Variants in TTC39B observed in about 807,000 individuals in gnomAD.
TTC39B encodes tetratricopeptide repeat protein 39B.
TTC39B carries 92 observed loss-of-function variants against 96.6 expected under a neutral mutation model. The observed-to-expected ratio is 0.95, with a 90% CI of 0.80 to 1.13. TTC39B has a LOEUF of 1.13. Among genes scored for constraint, TTC39B ranks in the 50% most tolerant of loss-of-function variants. TTC39B has a pLI of 0.00. For missense variants in TTC39B, 955 were observed against 809.3 expected, an observed-to-expected ratio of 1.18 and a Z score of -2.18; for synonymous variants, 367 against 299.4, an observed-to-expected ratio of 1.23 and a Z score of -2.33.
intron 1 of TTC39B, among the ~76,000 whole-genome samples, chr9:15,305,601 C>T (rs2131630241): frequency 6.6e-6 from 1 of 151,822 alleles, no homozygotes; most frequent in East Asian, 1.9e-4. Flanking sequence ...TACCAAGTAT[C>T]TGTGTGCCAG....
intron 2 of TTC39B, among the ~76,000 whole-genome samples, chr9:15,233,989 G>A (rs1213007162): frequency 1.3e-5 from 2 of 149,306 alleles, no homozygotes; most frequent in Non-Finnish European, 3.0e-5. Context: ...TGAGATGTGG[G>A]GAGCGCCTCT....
At position 15,173,847 on chromosome 9, in the gene TTC39B, A is replaced by G. The variant is rs138270677; in HGVS notation, c.1958+1172T>C. 1.8e-4 allele frequency among the ~76,000 whole-genome samples: 28 copies of G among 152,282 alleles called. No homozygotes were observed. The East Asian group carries it at 5.2e-3, about 28-fold the overall frequency. On this transcript the variant is annotated intron_variant, in intron 19 of 19. Coordinates refer to ENST00000512701, the Ensembl canonical transcript of TTC39B. The stretch of plus-strand genomic sequence containing the variant: ...TATGAGTACCTAATAGCCATCTTAA[A>G]GAATCATGGTCTGAACAGAAGTATG...
exon 20 of TTC39B, chr9:15,169,729 T>C (rs887388642): frequency 1.3e-5 from 2 of 152,230 alleles, no homozygotes; most frequent in African/African-American, 2.4e-5. Context: ...TAGTATCAGG[T>C]AACTGCATAA....
intron 2 of TTC39B, among the ~76,000 whole-genome samples, chr9:15,250,496 G>A (rs1034487210): frequency 2.0e-5 from 3 of 151,620 alleles, no homozygotes; most frequent in African/African-American, 7.3e-5. Context: ...TTTATATCAT[G>A]GACTTTAAAA....
intron 7 of TTC39B, among the ~76,000 whole-genome samples, chr9:15,200,738 C>T (rs1164907254): frequency 6.6e-6 from 1 of 152,226 alleles, no homozygotes; most frequent in Non-Finnish European, 1.5e-5. Flanking sequence ...TGGTGGCTCA[C>T]GCCTATAATC....
chr9:15,303,451 G>A (rs1017141167), intron 1 of TTC39B, among the ~76,000 whole-genome samples: 1 of 150,598 alleles, frequency 6.6e-6, no homozygotes, highest in Admixed American at 6.6e-5. Context: ...GTTCACTGCA[G>A]CCTCAACCTC....
chr9:15,210,183 AAGGG>A lies in TTC39B; in HGVS notation c.615-23_615-20del. The A allele has an allele frequency of 6.7e-7, 1 of 1,503,616 alleles. No homozygotes were observed. Among genetic ancestry groups the A allele is most frequent in the Non-Finnish European group, 9.0e-7 (1 of 1,105,108 alleles). 93.1% of individuals were successfully genotyped at this position (1,503,616 alleles called of 1,614,324 possible). A position where few individuals can be genotyped will look rare whatever the true frequency, so the allele number is the denominator to read the frequency against. On this transcript the variant is annotated intron_variant, in intron 5 of 19. Transcript: ENST00000512701. ...CCTGTATCTACATTGAATAAATAAA[AAGGG>A]AGATAGAAAATAGAAAAAAAAAATC...
chr9:15,200,521 C>T (rs1454400211), intron 7 of TTC39B, among the ~76,000 whole-genome samples: 2 of 152,168 alleles, frequency 1.3e-5, no homozygotes, highest in African/African-American at 2.4e-5. Flanking sequence ...TGATTGTCAT[C>T]GACCATAAAA....
intron 1 of TTC39B, among the ~76,000 whole-genome samples, chr9:15,299,161 C>A (rs1824489064): frequency 6.6e-6 from 1 of 152,188 alleles, no homozygotes; most frequent in Non-Finnish European, 1.5e-5. Flanking sequence ...GCACCTAACA[C>A]AATACTCAAC....
At chr9:15,175,798 T>C (rs1817904141) in intron 18 of TTC39B, among the ~76,000 whole-genome samples, 1 of 152,186 alleles carries the variant, frequency 6.6e-6, no homozygotes, top group Admixed American at 6.5e-5. Context: ...AAGGGCTTTG[T>C]ATCCTAATAT....
intron 1 of TTC39B, among the ~76,000 whole-genome samples, chr9:15,274,858 T>C (rs1823481789): frequency 6.6e-6 from 1 of 152,048 alleles, no homozygotes; most frequent in Non-Finnish European, 1.5e-5. Context: ...ATTAAAAAAA[T>C]AATAACAGCA....
At chr9:15,294,575 G>A (rs1397731818) in intron 1 of TTC39B, among the ~76,000 whole-genome samples, 4 of 152,180 alleles carry the variant, frequency 2.6e-5, no homozygotes, top group African/African-American at 4.8e-5. Flanking sequence ...TGGAACAGAT[G>A]GCCCTTTGAG....
intron 2 of TTC39B, among the ~76,000 whole-genome samples, chr9:15,230,119 G>A (rs1392034787): frequency 1.3e-5 from 2 of 152,118 alleles, no homozygotes; most frequent in African/African-American, 4.8e-5. Flanking sequence ...TCTTTATACT[G>A]GAGGCTACGA....
At chr9:15,249,211 G>A (rs771486652) in intron 2 of TTC39B, 2 of 152,148 alleles carry the variant, frequency 1.3e-5, no homozygotes, top group Admixed American at 6.5e-5. Flanking sequence ...AATGGGACAC[G>A]ATGACTAAGG....
chr9:15,188,064 G>A, exon 14 of TTC39B: 1 of 1,612,152 alleles, frequency 6.2e-7, no homozygotes, highest in South Asian at 1.1e-5. Context: ...TTAGCTCCCA[G>A]TAGCAGAGAT....
At chr9:15,297,168 G>A (rs1824413144) in intron 1 of TTC39B, among the ~76,000 whole-genome samples, 2 of 152,154 alleles carry the variant, frequency 1.3e-5, no homozygotes, top group African/African-American at 4.8e-5. Context: ...CCACGCCTGA[G>A]GAGCGCAGTT....
rs768792068 is a variant in TTC39B, at chr9:15,187,055, T to A, written c.1396-20A>T. On this transcript the variant is annotated intron_variant, in intron 14 of 19. Coordinates refer to ENST00000512701, the Ensembl canonical transcript of TTC39B. Reference sequence around the variant, plus strand: ...AGTTGCCTTGAGAAAAAGAAGGAGCTTATTACAGAACATCCCTAGGTAAAT... The same window carrying A: ...AGTTGCCTTGAGAAAAAGAAGGAGCATATTACAGAACATCCCTAGGTAAAT... 4 of 1,588,146 alleles carry A rather than the reference T, an allele frequency of 2.5e-6. No individual in the cohort carries two copies. In the East Asian group the frequency reaches 9.0e-5, roughly 36 times the overall value.
chr9:15,200,344 A>G (rs1392304607), intron 7 of TTC39B, among the ~76,000 whole-genome samples: 3 of 152,230 alleles, frequency 2.0e-5, no homozygotes, highest in African/African-American at 7.2e-5. Flanking sequence ...AAATGGGACA[A>G]TGGTCCTTCT....
At chr9:15,212,025 T>C (rs765965365) in intron 4 of TTC39B, among the ~76,000 whole-genome samples, 7 of 152,240 alleles carry the variant, frequency 4.6e-5, no homozygotes, top group Admixed American at 1.3e-4. Context: ...TAACTAGAAC[T>C]AGTCCTAATA....
Sources: allele counts gnomAD v4.1 joint callset (sites outside exome capture counted in the v4.1 genomes callset), GRCh38; gene constraint gnomAD v4.1.1; transcripts MANE v1.5; gene names NCBI Gene and HGNC (gene_info 2026-07-23, HGNC 2026-07-21).